RAB3IL1: variants seen among roughly 807,000 people sequenced by gnomAD.
RAB3IL1 encodes the protein guanine nucleotide exchange factor for Rab-3A.
Under a neutral mutation model 49.2 loss-of-function variants are expected in RAB3IL1, and 37 were observed. The ratio of observed to expected loss-of-function variants is 0.75; its 90% CI spans 0.58 to 0.99. The LOEUF (loss-of-function observed/expected upper bound fraction) is 0.99. Ranked by LOEUF, RAB3IL1 falls within the 50% of genes least tolerant of loss-of-function variation. The pLI is 0.00. For missense variants in RAB3IL1, 484 were observed against 513.0 expected (o/e 0.94, Z 0.55); for synonymous variants, 193 against 213.9 (o/e 0.90, Z 0.85).
chr11:61,907,096 A>T (rs570605925), intron 4 of RAB3IL1, among the ~76,000 whole-genome samples: 70 of 152,304 alleles, frequency 4.6e-4, no homozygotes, highest in Admixed American at 1.8e-3. Flanking sequence ...TGCTTTGTAA[A>T]GTGGGGCTGG....
At chr11:61,910,237 A>T (rs1274530074) in intron 1 of RAB3IL1, among the ~76,000 whole-genome samples, 2 of 152,134 alleles carry the variant, frequency 1.3e-5, no homozygotes, top group Non-Finnish European at 2.9e-5. Context: ...TGAGTGTTGG[A>T]ATCGGCGCAT....
chr11:61,918,610 C>T (rs1939809691), upstream of RAB3IL1, among the ~76,000 whole-genome samples: 1 of 152,262 alleles, frequency 6.6e-6, no homozygotes, highest in Non-Finnish European at 1.5e-5. Context: ...AGGTTCTGCC[C>T]TCCTGGGGCT....
the RAB3IL1 span, among the ~76,000 whole-genome samples, chr11:61,945,571 G>T: frequency 6.6e-6 from 1 of 152,146 alleles, no homozygotes; most frequent in African/African-American, 2.4e-5. Context: ...TTCACAGCAC[G>T]TCAAACTCAA....
chr11:61,915,987 G>A (rs929647842), intron 1 of RAB3IL1, among the ~76,000 whole-genome samples: 29 of 149,490 alleles, frequency 1.9e-4, no homozygotes, highest in Non-Finnish European at 3.7e-4. Context: ...GCACTGAGCC[G>A]CGCCACTGCA....
the RAB3IL1 span, among the ~76,000 whole-genome samples, chr11:61,926,104 CAAAAA>C: frequency 7.8e-5 from 5 of 64,064 alleles, no homozygotes; most frequent in African/African-American, 2.4e-4. Flanking sequence ...TCCTTCCTGC[CAAAAA>C]AAAAAAAAAA....
chr11:61,929,759 G>A, the RAB3IL1 span, among the ~76,000 whole-genome samples: 1 of 150,314 alleles, frequency 6.7e-6, no homozygotes, highest in East Asian at 2.0e-4. Flanking sequence ...CTAATTTTTT[G>A]TATTTTAGTA....
the RAB3IL1 span, among the ~76,000 whole-genome samples, chr11:61,929,526 T>TAA: frequency 2.0e-5 from 3 of 150,442 alleles, no homozygotes; most frequent in South Asian, 4.2e-4. Flanking sequence ...TAAAAAAATT[T>TAA]AAAAAAAAAT....
chr11:61,944,578 GGACGAT>G, the RAB3IL1 span, among the ~76,000 whole-genome samples: 1 of 152,020 alleles, frequency 6.6e-6, no homozygotes, highest in African/African-American at 2.4e-5. Flanking sequence ...ACAGAAAAAA[GGACGAT>G]GCTCCCGGGC....
chr11:61,924,955 C>T (rs989522216), upstream of RAB3IL1, among the ~76,000 whole-genome samples: 2 of 152,134 alleles, frequency 1.3e-5, no homozygotes, highest in South Asian at 2.1e-4. Context: ...CAGAAACCTT[C>T]GGGGGGAAAA....
In RAB3IL1 at chr11:61,908,183, C is replaced by G; in HGVS notation, c.135G>C (p.Gly45=). 4 of 1,554,172 alleles carry G rather than the reference C, an allele frequency of 2.6e-6. No homozygotes were observed. Among genetic ancestry groups the G allele is most frequent in the Non-Finnish European group, 3.5e-6 (4 of 1,151,166 alleles). Residue 45 remains glycine, a synonymous_variant, in exon 2 of 10, where the codon GGG becomes GGC. Transcript: ENST00000394836. The stretch of plus-strand genomic sequence containing the variant: ...GGCCCTCCTGGCCTTGGGCCTCCTC[C>G]CCTGCAGAGGTCTCCACCAGGGCTC... ...SPGALVETSA[G]EEAQGQEGPA...
chr11:61,900,308 A>G (rs1001232942), intron 8 of RAB3IL1, among the ~76,000 whole-genome samples: 4 of 152,200 alleles, frequency 2.6e-5, no homozygotes, highest in Admixed American at 2.6e-4. Context: ...AACCCAGCCT[A>G]AGACAGGGTG....
At chr11:61,929,044 T>C in the RAB3IL1 span, among the ~76,000 whole-genome samples, 264 of 152,328 alleles carry the variant, frequency 1.7e-3, 1 homozygote, top group Non-Finnish European at 2.4e-3. Flanking sequence ...ATGGCTACAT[T>C]ATAGTTGTAC....
upstream of RAB3IL1, chr11:61,917,631 G>C: frequency 3.6e-5 from 35 of 965,188 alleles, no homozygotes; most frequent in Non-Finnish European, 4.2e-5. Context: ...GCCCGGCGCT[G>C]GGATCCGGCG....
upstream of RAB3IL1, among the ~76,000 whole-genome samples, chr11:61,922,034 C>A (rs2524291): frequency 0.022 from 3,284 of 150,974 alleles, 118 homozygotes; most frequent in African/African-American, 0.074. Flanking sequence ...TAAAAAAAAA[C>A]CCGTCTCTAC....
At position 61,902,449 on chromosome 11, in the gene RAB3IL1, C is replaced by CGG; in HGVS notation, c.990_991dup (p.Arg331ProfsTer35). ...TTGCAAAGGCTGACTCACCCTGGCC[C>CGG]GGGAAGATGGCGAGATGTAGTAATG... is the stretch of plus-strand genomic sequence containing the variant. On this transcript the variant is annotated frameshift_variant, in exon 8 of 10. Coordinates refer to ENST00000394836, the MANE Select transcript of RAB3IL1 (RefSeq NM_013401.4). LOFTEE classifies it high-confidence loss of function. 6.3e-7 allele frequency: 1 copy of CGG among 1,590,264 alleles called. No homozygotes were observed. Among genetic ancestry groups the CGG allele is most frequent in the Non-Finnish European group, 8.5e-7 (1 of 1,170,192 alleles).
chr11:61,910,038 T>A (rs1939390944), intron 1 of RAB3IL1, among the ~76,000 whole-genome samples: 2 of 152,046 alleles, frequency 1.3e-5, no homozygotes, highest in African/African-American at 2.4e-5. Context: ...CAAACAAACA[T>A]AAAACTCTCT....
chr11:61,904,027 C>T (rs1053003665), intron 7 of RAB3IL1, among the ~76,000 whole-genome samples: 3 of 151,770 alleles, frequency 2.0e-5, no homozygotes, highest in African/African-American at 7.3e-5. Flanking sequence ...CTGAAATGCC[C>T]TTCCCTGCTT....
chr11:61,934,438 G>GTA, the RAB3IL1 span, among the ~76,000 whole-genome samples: 4 of 18,476 alleles, frequency 2.2e-4, no homozygotes, highest in African/African-American at 3.5e-4. Context: ...GTGTGTGTGT[G>GTA]TGTGTGTGTA....
At chr11:61,939,335 A>AAATACAGCATACCAAAACTTATCG in the RAB3IL1 span, among the ~76,000 whole-genome samples, 1 of 152,150 alleles carries the variant, frequency 6.6e-6, no homozygotes, top group East Asian at 1.9e-4. Context: ...ATGAAAATGA[A>AAATACAGCATACCAAAACTTATCG]AATACAGCAT....
Sources: gnomAD v4.1 joint callset for allele counts (sites outside exome capture counted in the v4.1 genomes callset) on GRCh38, gnomAD v4.1.1 for gene constraint, MANE v1.5 for transcripts, NCBI Gene and HGNC (gene_info 2026-07-23, HGNC 2026-07-21) for gene names.